PPFIA2: variants seen among roughly 807,000 people sequenced by gnomAD.
PPFIA2 encodes the protein liprin-alpha-2.
A neutral mutation model predicts 175.5 loss-of-function variants in PPFIA2; 46 were observed. That is an observed-to-expected ratio of 0.26 (90% CI 0.21 to 0.34). PPFIA2 has a LOEUF of 0.34. Among genes scored for constraint, PPFIA2 ranks in the 10% least tolerant of loss-of-function variants. The probability of loss-of-function intolerance (pLI) is 1.00; values close to 1 mark genes in which losing one functional copy is unlikely to be tolerated. For synonymous variants in PPFIA2, 568 were observed against 511.4 expected (o/e 1.11, Z -1.49); for missense variants, 1,179 against 1,506.1 (o/e 0.78, Z 3.60).
At chr12:81,316,022 C>T (rs1354191722) in intron 22 of PPFIA2, among the ~76,000 whole-genome samples, 1 of 151,424 alleles carries the variant, frequency 6.6e-6, no homozygotes, top group African/African-American at 2.4e-5. Context: ...ACAGTTAAGC[C>T]TCAAATTAAA....
chr12:81,428,503 A>G (rs1255667022), intron 7 of PPFIA2, among the ~76,000 whole-genome samples: 3 of 152,004 alleles, frequency 2.0e-5, no homozygotes, highest in Non-Finnish European at 2.9e-5. Context: ...TTGTATTATA[A>G]CAGTACAATC....
intron 30 of PPFIA2, 58 bp from the exon 31 acceptor site, chr12:81,263,448 A>T: frequency 6.8e-7 from 1 of 1,471,106 alleles, no homozygotes. Context: ...CCATGTGCTT[A>T]AAGCTCTGTG....
chr12:81,564,119 G>A (rs1476935808), intron 4 of PPFIA2, among the ~76,000 whole-genome samples: 1 of 152,086 alleles, frequency 6.6e-6, no homozygotes, highest in Non-Finnish European at 1.5e-5. Flanking sequence ...ATAGACATAA[G>A]TATGAAAAAC....
intron 4 of PPFIA2, among the ~76,000 whole-genome samples, chr12:81,528,132 T>A (rs1490749546): frequency 1.0e-5 from 1 of 99,452 alleles, no homozygotes; most frequent in East Asian, 3.8e-4. Context: ...ACCTACCCCT[T>A]AGCAGATATT....
At chr12:81,554,702 G>A in intron 4 of PPFIA2, among the ~76,000 whole-genome samples, 1 of 152,030 alleles carries the variant, frequency 6.6e-6, no homozygotes, top group Non-Finnish European at 1.5e-5. Flanking sequence ...TTTCTTAGAA[G>A]AACAACGATT....
intron 9 of PPFIA2, among the ~76,000 whole-genome samples, chr12:81,377,756 C>A (rs2036714108): frequency 6.6e-6 from 1 of 152,046 alleles, no homozygotes; most frequent in South Asian, 2.1e-4. Flanking sequence ...TTCTTCCCCT[C>A]CATCTTCAGG....
chr12:81,422,406 A>G (rs990347616), intron 7 of PPFIA2, among the ~76,000 whole-genome samples: 2 of 152,102 alleles, frequency 1.3e-5, no homozygotes, highest in Non-Finnish European at 2.9e-5. Flanking sequence ...GTGAAGTGTG[A>G]CAGAAAAGGA....
At chr12:81,354,400 A>G (rs1176037290) in intron 16 of PPFIA2, among the ~76,000 whole-genome samples, 2 of 152,200 alleles carry the variant, frequency 1.3e-5, no homozygotes, top group African/African-American at 2.4e-5. Flanking sequence ...AGTAGTTACC[A>G]TCTTCACTGG....
At chr12:81,361,293 T>C (rs2030158524) in intron 15 of PPFIA2, among the ~76,000 whole-genome samples, 1 of 151,688 alleles carries the variant, frequency 6.6e-6, no homozygotes, top group South Asian at 2.1e-4. Flanking sequence ...ATTCTATGCA[T>C]TGACTCCCCT....
Position 81,582,919 on chromosome 12 carries a change from T to A in PPFIA2, c.303+93872A>T, listed in dbSNP as rs571375317. Among the ~76,000 whole-genome samples, 8 of 152,028 alleles carry A rather than the reference T, an allele frequency of 5.3e-5. No homozygotes were observed. The South Asian group carries it at 1.7e-3, about 32-fold the overall frequency. ...AGTACAATTTTCCGGGGAGTTTTTC[T>A]ATTTTTTTGAGAAGTGAAATATATT... On this transcript the variant is annotated intron_variant, in intron 4 of 32. Coordinates refer to ENST00000549396, the MANE Select transcript of PPFIA2 (RefSeq NM_003625.5).
chr12:81,646,533 C>T (rs982105463), intron 4 of PPFIA2, among the ~76,000 whole-genome samples: 1 of 152,142 alleles, frequency 6.6e-6, no homozygotes, highest in African/African-American at 2.4e-5. Context: ...AGAGAAAGCC[C>T]TCACTCCTCT....
chr12:81,334,418 A>G (rs1382626829), intron 21 of PPFIA2, among the ~76,000 whole-genome samples: 1 of 152,078 alleles, frequency 6.6e-6, no homozygotes, highest in Non-Finnish European at 1.5e-5. Context: ...GAGTGGTTCA[A>G]TATATGTCTA....
intron 30 of PPFIA2, among the ~76,000 whole-genome samples, chr12:81,266,330 C>G (rs184892971): frequency 2.6e-5 from 4 of 152,270 alleles, no homozygotes; most frequent in African/African-American, 9.6e-5. Flanking sequence ...ACAGCATTTG[C>G]TGATATCCCT....
intron 19 of PPFIA2, among the ~76,000 whole-genome samples, chr12:81,344,215 T>C (rs1472484620): frequency 2.0e-5 from 3 of 152,112 alleles, no homozygotes; most frequent in African/African-American, 4.8e-5. Flanking sequence ...TACTCTCTCC[T>C]CTTGGGAACT....
chr12:81,511,821 A>C (rs1594261944), intron 4 of PPFIA2, among the ~76,000 whole-genome samples: 1 of 152,032 alleles, frequency 6.6e-6, no homozygotes, highest in East Asian at 1.9e-4. Flanking sequence ...GTCTAACTGA[A>C]TAGACCAAAC....
At chr12:81,699,403 C>T (rs891481133) in intron 3 of PPFIA2, among the ~76,000 whole-genome samples, 9 of 151,674 alleles carry the variant, frequency 5.9e-5, no homozygotes, top group Non-Finnish European at 1.3e-4. Flanking sequence ...ATATTTGCTT[C>T]TTAGTATAAA....
chr12:81,498,646 A>C (rs1482847340), intron 4 of PPFIA2, among the ~76,000 whole-genome samples: 1 of 151,958 alleles, frequency 6.6e-6, no homozygotes, highest in Non-Finnish European at 1.5e-5. Context: ...ATTTATTGAG[A>C]CGGAGTCTCA....
intron 4 of PPFIA2, among the ~76,000 whole-genome samples, chr12:81,644,951 T>C (rs1008252772): frequency 5.3e-4 from 9 of 17,030 alleles, no homozygotes; most frequent in South Asian, 1.5e-3. Context: ...GTTCAGAAAA[T>C]GCATAGTAGC....
At chr12:81,423,148 T>A in intron 7 of PPFIA2, among the ~76,000 whole-genome samples, 1 of 152,016 alleles carries the variant, frequency 6.6e-6, no homozygotes, top group African/African-American at 2.4e-5. Context: ...CCCAAATATG[T>A]CCATGAACCA....
Sources: allele counts gnomAD v4.1 joint callset (sites outside exome capture counted in the v4.1 genomes callset), GRCh38; gene constraint gnomAD v4.1.1; transcripts MANE v1.5; gene names NCBI Gene and HGNC (gene_info 2026-07-23, HGNC 2026-07-21).